The following FANCD2 variants were observed in gnomAD, a reference collection of about 807,000 sequenced individuals.
FANCD2 encodes the protein FA complementation group D2.
FANCD2 carries 131 observed loss-of-function variants against 192.3 expected under a neutral mutation model. The observed-to-expected ratio is 0.68, with a 90% CI of 0.59 to 0.79. The LOEUF (loss-of-function observed/expected upper bound fraction) is 0.79, where lower values mean the gene tolerates loss of function less well. Ranked by LOEUF, FANCD2 falls within the 30% of genes least tolerant of loss-of-function variation. The pLI is 0.00. For synonymous variants in FANCD2, 524 were observed against 612.5 expected, an observed-to-expected ratio of 0.86 and a Z score of 2.13; for missense variants, 1,508 against 1,701.6, an observed-to-expected ratio of 0.89 and a Z score of 2.00.
intron 20 of FANCD2, 146 bp downstream of exon 20, chr3:10,062,357 C>T (rs2087595605): frequency 4.5e-6 from 3 of 671,668 alleles, no homozygotes; most frequent in African/African-American, 3.7e-5. Flanking sequence ...TCTCCTGCCT[C>T]AGCCTCCAGA....
chr3:10,027,924 A>AAAAAAC (rs1312224449), intron 1 of FANCD2, among the ~76,000 whole-genome samples: 1 of 149,090 alleles, frequency 6.7e-6, no homozygotes, highest in African/African-American at 2.5e-5. Flanking sequence ...AAAAAAAAAA[A>AAAAAAC]TCACTTCTTT....
intron 40 of FANCD2, 41 bp from the exon 41 acceptor site, chr3:10,095,159 C>G (rs373795013): frequency 1.1e-5 from 17 of 1,499,360 alleles, no homozygotes; most frequent in Non-Finnish European, 1.6e-5. Context: ...AAAATGAAAT[C>G]AGGACATTTC....
At chr3:10,060,175 A>AC (rs2087524670) in intron 18 of FANCD2, 119 bp from the exon 19 acceptor site, 1 of 724,010 alleles carries the variant, frequency 1.4e-6, no homozygotes, top group Middle Eastern at 3.9e-4. Flanking sequence ...CTCAAAAAAA[A>AC]AAAAAAACAG....
At chr3:10,097,491 C>T (rs551590907) in intron 42 of FANCD2, among the ~76,000 whole-genome samples, 1 of 152,294 alleles carries the variant, frequency 6.6e-6, no homozygotes, top group Admixed American at 6.5e-5. Context: ...GATATTTCTC[C>T]CATTTGCTTT....
chr3:10,050,352 C>T lies in FANCD2; in HGVS notation c.1545+847C>T, dbSNP rs150079582. On this transcript the variant is annotated intron_variant, in intron 17 of 43. Coordinates refer to ENST00000675286, the MANE Select transcript of FANCD2 (RefSeq NM_001018115.3). ...TTAAGAATATGTGGCGGTCCGGGTGCGGTGGCTCATGCTTGTAATCCCAGC... is the reference window on the plus strand; with the variant it reads ...TTAAGAATATGTGGCGGTCCGGGTGTGGTGGCTCATGCTTGTAATCCCAGC... 4.7e-3 allele frequency among the ~76,000 whole-genome samples: 720 copies of T among 152,172 alleles called. 5 individuals are homozygous for T. The highest frequency in any genetic ancestry group is 6.9e-3 in the East Asian group (36 of 5,184).
rs551910933 is a variant in FANCD2, at chr3:10,050,165, G to A, written c.1545+660G>A. Among the ~76,000 whole-genome samples the A allele has an allele frequency of 7.4e-4, 112 of 152,280 alleles. 1 individual carries two copies. In the South Asian group the frequency reaches 0.018, roughly 25 times the overall value. ...ACATACAGTTGACCTAATCTACTCA[G>A]CATTGAGAGATAACTCAGTAGGCTA... is the stretch of plus-strand genomic sequence containing the variant. On this transcript the variant is annotated intron_variant, in intron 17 of 43. Transcript: ENST00000675286.
At chr3:10,096,529 C>T (rs986709071) in intron 42 of FANCD2, 57 bp downstream of exon 42, 1 of 1,547,364 alleles carries the variant, frequency 6.5e-7, no homozygotes. Context: ...GTGACAGCAT[C>T]AGATGGCATG....
rs1177822781 is a variant in FANCD2 at position 10,075,924 on chromosome 3, G to T, written c.2859+1251G>T. Among the ~76,000 whole-genome samples the T allele has an allele frequency of 3.3e-5, 5 of 151,200 alleles. No homozygotes were observed. In the South Asian group the frequency reaches 8.4e-4, roughly 25 times the overall value. On this transcript the variant is annotated intron_variant, in intron 29 of 43. Coordinates refer to ENST00000675286, the MANE Select transcript of FANCD2 (RefSeq NM_001018115.3). ...TTTTTGTATTTTTAATAGAGACGAGGTTTCACCGTTGTTAGCCAGGATGGT... is the reference window on the plus strand; with the variant it reads ...TTTTTGTATTTTTAATAGAGACGAGTTTTCACCGTTGTTAGCCAGGATGGT...
chr3:10,086,567 C>T (rs1483389687), intron 33 of FANCD2, among the ~76,000 whole-genome samples: 1 of 152,098 alleles, frequency 6.6e-6, no homozygotes, highest in Admixed American at 6.5e-5. Flanking sequence ...CTGCACCCTC[C>T]ACCTCCTGGG....
rs1389855261 is a variant in FANCD2 at position 10,040,630 on chromosome 3, G to T, written c.695+785G>T. The T allele has an allele frequency of 2.0e-5, 9 of 454,258 alleles. No individual in the cohort carries two copies. The Admixed American group carries it at 2.1e-4, about 11-fold the overall frequency. 28.1% of individuals were successfully genotyped at this position (454,258 alleles called of 1,614,324 possible). A position where few individuals can be genotyped will look rare whatever the true frequency, so the allele number is the denominator to read the frequency against. On this transcript the variant is annotated intron_variant, in intron 9 of 43. Coordinates refer to ENST00000675286, the MANE Select transcript of FANCD2 (RefSeq NM_001018115.3). ...TTGAAAAATAGTAATTGGTAGGGAA[G>T]TATTGAAGAAGGGGAGAACAATATC...
At chr3:10,058,917 G>C (rs531370186) in intron 18 of FANCD2, among the ~76,000 whole-genome samples, 1 of 152,298 alleles carries the variant, frequency 6.6e-6, no homozygotes, top group Middle Eastern at 3.4e-3. Flanking sequence ...GAATCACTTT[G>C]AATGGTATTA....
chr3:10,031,428 G>A (rs919633027), intron 2 of FANCD2, among the ~76,000 whole-genome samples: 24 of 151,808 alleles, frequency 1.6e-4, no homozygotes, highest in Admixed American at 9.2e-4. Context: ...CATGAACCCG[G>A]GAGGCGGAGC....
chr3:10,052,278 A>G, intron 17 of FANCD2, 109 bp from the exon 18 acceptor site: 1 of 748,880 alleles, frequency 1.3e-6, no homozygotes, highest in Non-Finnish European at 2.4e-6. Flanking sequence ...AAAAAGTTTT[A>G]GATACCTGGC....
chr3:10,028,157 T>C (rs573066862), intron 1 of FANCD2, among the ~76,000 whole-genome samples: 1 of 152,202 alleles, frequency 6.6e-6, no homozygotes, highest in Non-Finnish European at 1.5e-5. Context: ...TAAGCCCTCA[T>C]AGAACCTGTA....
intron 32 of FANCD2, chr3:10,083,615 G>A (rs190616016): frequency 1.6e-3 from 245 of 152,296 alleles, no homozygotes; most frequent in African/African-American, 5.1e-3. Context: ...CCGACCAGGC[G>A]CAGTGGCTCA....
At chr3:10,051,246 T>C (rs1296533080) in intron 17 of FANCD2, among the ~76,000 whole-genome samples, 1 of 149,182 alleles carries the variant, frequency 6.7e-6, no homozygotes, top group Non-Finnish European at 1.5e-5. Flanking sequence ...CCGGGCGTAG[T>C]GGTGGGCGCC....
At chr3:10,080,801 C>T (rs185167872) in intron 30 of FANCD2, among the ~76,000 whole-genome samples, 5 of 152,226 alleles carry the variant, frequency 3.3e-5, no homozygotes, top group Admixed American at 3.3e-4. Flanking sequence ...GAGTCTATTG[C>T]CCTACATTTG....
intron 43 of FANCD2, among the ~76,000 whole-genome samples, chr3:10,100,930 G>T (rs147665840): frequency 6.6e-6 from 1 of 152,078 alleles, no homozygotes; most frequent in African/African-American, 2.4e-5. Context: ...TTAGCCGGGC[G>T]TGGTGGCACA....
chr3:10,081,634 A>G (rs970349307), intron 32 of FANCD2, 170 bp downstream of exon 32: 39 of 693,948 alleles, frequency 5.6e-5, no homozygotes, highest in Non-Finnish European at 9.4e-5. Context: ...TTGATCTTGT[A>G]CCCTCTGAGT....
Sources: allele counts gnomAD v4.1 joint callset (sites outside exome capture counted in the v4.1 genomes callset), GRCh38; gene constraint gnomAD v4.1.1; transcripts MANE v1.5; gene names NCBI Gene and HGNC (gene_info 2026-07-23, HGNC 2026-07-21).